The following CSMD1 variants were observed in gnomAD, a reference collection of about 807,000 sequenced individuals.
CSMD1 encodes CUB and Sushi multiple domains 1.
CSMD1 carries 213 observed loss-of-function variants against 417.5 expected under a neutral mutation model. The observed-to-expected ratio is 0.51, with a 90% CI of 0.46 to 0.57. The LOEUF is 0.57. Among genes scored for constraint, CSMD1 ranks in the 20% least tolerant of loss-of-function variants. The probability of loss-of-function intolerance (pLI) is 0.00; values close to 1 mark genes in which losing one functional copy is unlikely to be tolerated. For missense variants in CSMD1, 6,923 were observed against 4,529.7 expected, an observed-to-expected ratio of 1.53 and a Z score of -15.17; for synonymous variants, 2,862 against 1,736.8, an observed-to-expected ratio of 1.65 and a Z score of -16.11.
chr8:3,643,451 C>A (rs1405458282), intron 7 of CSMD1, among the ~76,000 whole-genome samples: 1 of 151,974 alleles, frequency 6.6e-6, no homozygotes, highest in African/African-American at 2.4e-5. Context: ...GCCTGTAATC[C>A]TAGCACTTTG....
intron 2 of CSMD1, among the ~76,000 whole-genome samples, chr8:4,611,133 G>C (rs537080298): frequency 2.6e-5 from 4 of 152,106 alleles, no homozygotes; most frequent in African/African-American, 9.6e-5. Flanking sequence ...GGCTGTTACT[G>C]TTTAGTAATA....
At chr8:4,823,766 G>A (rs530063177) in intron 1 of CSMD1, among the ~76,000 whole-genome samples, 2 of 151,768 alleles carry the variant, frequency 1.3e-5, no homozygotes, top group Non-Finnish European at 2.9e-5. Context: ...TGTGGTGGTG[G>A]TGGCAGTGTG....
At chr8:3,268,095 C>A (rs1461247964) in intron 26 of CSMD1, among the ~76,000 whole-genome samples, 2 of 151,880 alleles carry the variant, frequency 1.3e-5, no homozygotes, top group East Asian at 2.0e-4. Flanking sequence ...ATGGGGTACT[C>A]AGGGCACAAT....
intron 1 of CSMD1, among the ~76,000 whole-genome samples, chr8:4,793,283 A>G (rs992965438): frequency 2.6e-5 from 4 of 152,188 alleles, no homozygotes; most frequent in Admixed American, 6.5e-5. Flanking sequence ...TTTAGGCTGG[A>G]AAAATAGAAC....
chr8:4,842,694 T>C (rs990898428), intron 1 of CSMD1, among the ~76,000 whole-genome samples: 2 of 152,188 alleles, frequency 1.3e-5, no homozygotes, highest in African/African-American at 4.8e-5. Context: ...ATAAAAACAA[T>C]TATTATGAGC....
chr8:3,962,495 G>C (rs1812397457), intron 5 of CSMD1, among the ~76,000 whole-genome samples: 1 of 152,304 alleles, frequency 6.6e-6, no homozygotes, highest in African/African-American at 2.4e-5. Context: ...ATGACAGCCA[G>C]CATGCAGGAA....
At chr8:4,232,002 A>G (rs1246420554) in intron 3 of CSMD1, among the ~76,000 whole-genome samples, 3 of 152,182 alleles carry the variant, frequency 2.0e-5, no homozygotes, top group East Asian at 1.9e-4. Flanking sequence ...AAGCAAAGCC[A>G]TCGACATAGG....
chr8:3,413,644 C>G (rs755832023), intron 12 of CSMD1, among the ~76,000 whole-genome samples: 13 of 152,174 alleles, frequency 8.5e-5, no homozygotes, highest in Non-Finnish European at 1.0e-4. Flanking sequence ...ATTTTGCATT[C>G]TTGACTTCTT....
At chr8:4,703,402 T>C (rs1807712968) in intron 1 of CSMD1, among the ~76,000 whole-genome samples, 1 of 152,228 alleles carries the variant, frequency 6.6e-6, no homozygotes, top group Non-Finnish European at 1.5e-5. Flanking sequence ...CTCAACATCA[T>C]TTCTGTCACC....
rs1475159580 is a variant in CSMD1 at position 4,371,393 on chromosome 8, T to C, written c.415+48560A>G. 3.3e-5 allele frequency among the ~76,000 whole-genome samples: 5 copies of C among 152,308 alleles called. No individual in the cohort carries two copies. In the East Asian group the frequency reaches 9.6e-4, roughly 29 times the overall value. ...TTCCTGTTATATTTTGTATTAAACA[T>C]ATTTTTATTCTGTTTAATTCAAGTA... is the stretch of plus-strand genomic sequence containing the variant. On this transcript the variant is annotated intron_variant, in intron 3 of 69. Transcript: ENST00000635120.
intron 1 of CSMD1, among the ~76,000 whole-genome samples, chr8:4,915,724 G>C (rs538337845): frequency 6.6e-6 from 1 of 152,188 alleles, no homozygotes; most frequent in African/African-American, 2.4e-5. Context: ...ATTATGTCCG[G>C]GTTTGGAGAC....
intron 1 of CSMD1, among the ~76,000 whole-genome samples, chr8:4,868,727 G>C (rs1802561501): frequency 6.6e-6 from 1 of 151,788 alleles, no homozygotes; most frequent in South Asian, 2.1e-4. Flanking sequence ...GTACCAGTTA[G>C]AACTAGATTT....
At chr8:4,282,560 C>G (rs557827686) in intron 3 of CSMD1, among the ~76,000 whole-genome samples, 1 of 152,082 alleles carries the variant, frequency 6.6e-6, no homozygotes, top group Non-Finnish European at 1.5e-5. Context: ...CTATGCAGCA[C>G]CATAAAATTA....
intron 5 of CSMD1, among the ~76,000 whole-genome samples, chr8:3,867,556 C>G (rs148949753): frequency 6.6e-6 from 1 of 152,108 alleles, no homozygotes; most frequent in Non-Finnish European, 1.5e-5. Flanking sequence ...TGAGAGACGT[C>G]TAATCCTCTA....
intron 3 of CSMD1, among the ~76,000 whole-genome samples, chr8:4,410,004 G>A (rs1368479251): frequency 6.6e-5 from 10 of 151,984 alleles, no homozygotes; most frequent in African/African-American, 2.4e-4. Flanking sequence ...AGTAGAGATG[G>A]GATTTCACCA....
chr8:3,621,733 C>A (rs1377405044), intron 7 of CSMD1, among the ~76,000 whole-genome samples: 1 of 151,938 alleles, frequency 6.6e-6, no homozygotes, highest in African/African-American at 2.4e-5. Flanking sequence ...GTGCATGCCA[C>A]CACTCCCAGC....
intron 5 of CSMD1, among the ~76,000 whole-genome samples, chr8:3,967,138 G>T (rs573824614): frequency 1.3e-5 from 2 of 151,566 alleles, no homozygotes; most frequent in Non-Finnish European, 3.0e-5. Context: ...TTGTCTATTT[G>T]CATCTTTCTG....
At chr8:3,916,548 C>A (rs1447259397) in intron 5 of CSMD1, among the ~76,000 whole-genome samples, 1 of 152,050 alleles carries the variant, frequency 6.6e-6, no homozygotes, top group Non-Finnish European at 1.5e-5. Context: ...CATTTAGTAT[C>A]CGATTATGTA....
At chr8:4,791,911 G>C (rs1010865517) in intron 1 of CSMD1, among the ~76,000 whole-genome samples, 1 of 151,326 alleles carries the variant, frequency 6.6e-6, no homozygotes, top group African/African-American at 2.4e-5. Context: ...TATTCGAAAA[G>C]GTAGATTAAT....
Sources: gnomAD v4.1 joint callset for allele counts (sites outside exome capture counted in the v4.1 genomes callset) on GRCh38, gnomAD v4.1.1 for gene constraint, MANE v1.5 for transcripts, NCBI Gene and HGNC (gene_info 2026-07-23, HGNC 2026-07-21) for gene names.